Variants in SMARCAL1 observed in about 807,000 individuals in gnomAD.
SMARCAL1 encodes the protein SNF2 related chromatin remodeling annealing helicase 1, also known as ATP-driven annealing helicase.
Under a neutral mutation model 94.5 loss-of-function variants are expected in SMARCAL1, and 58 were observed. That is an observed-to-expected ratio of 0.61 (90% CI 0.50 to 0.76). SMARCAL1 has a LOEUF of 0.76. SMARCAL1 is among the 30% of genes least tolerant of loss of function. The pLI is 0.00. For synonymous variants in SMARCAL1, 422 were observed against 455.1 expected (o/e 0.93, Z 0.93); for missense variants, 1,051 against 1,177.9 (o/e 0.89, Z 1.58).
intron 10 of SMARCAL1, among the ~76,000 whole-genome samples, chr2:216,439,324 TGG>T (rs3836031): frequency 0.42 from 63,876 of 150,474 alleles, 14,075 homozygotes; most frequent in African/African-American, 0.56. Context: ...CCTTCCATTA[TGG>T]GGGGGGGGGA....
chr2:216,438,507 GC>G, intron 10 of SMARCAL1, 22 bp downstream of exon 10: 1 of 1,606,398 alleles, frequency 6.2e-7, no homozygotes, highest in Non-Finnish European at 8.5e-7. Flanking sequence ...TGAGAACTGA[GC>G]CCACTGAGCA....
intron 14 of SMARCAL1, among the ~76,000 whole-genome samples, chr2:216,471,010 G>A (rs1266355914): frequency 6.6e-6 from 1 of 152,080 alleles, no homozygotes; most frequent in East Asian, 1.9e-4. Flanking sequence ...GCCAGATGGT[G>A]GAATAGAATA....
At chr2:216,421,538 G>T (rs1693721573) in intron 5 of SMARCAL1, among the ~76,000 whole-genome samples, 1 of 151,982 alleles carries the variant, frequency 6.6e-6, no homozygotes, top group Non-Finnish European at 1.5e-5. Flanking sequence ...GCCCACCTTG[G>T]CCTCCCAAAA....
intron 12 of SMARCAL1, among the ~76,000 whole-genome samples, chr2:216,456,141 G>A (rs1209801000): frequency 2.0e-5 from 3 of 150,474 alleles, no homozygotes; most frequent in African/African-American, 7.3e-5. Context: ...AAGAAGAGAA[G>A]TTTAGAGAAA....
intron 5 of SMARCAL1, among the ~76,000 whole-genome samples, chr2:216,422,114 T>G (rs284563): frequency 0.34 from 51,157 of 151,972 alleles, 11,212 homozygotes; most frequent in African/African-American, 0.63. Context: ...GGCCGGGTGT[T>G]GTGGCCTGTA....
chr2:216,451,792 C>T lies in SMARCAL1; in HGVS notation c.2070+728C>T, dbSNP rs770190217. 1.8e-3 allele frequency among the ~76,000 whole-genome samples: 281 copies of T among 152,208 alleles called. 3 individuals are homozygous for T. The highest frequency in any genetic ancestry group is 1.5e-3 in the Non-Finnish European group (100 of 68,038). On this transcript the variant is annotated intron_variant, in intron 12 of 17. Transcript: ENST00000357276. Reference sequence around the variant, plus strand: ...CTGTGCTAAGTGCTATAATCTACACCAGCTCTGTTTCTGTCCTCTTAGATA... The same window carrying T: ...CTGTGCTAAGTGCTATAATCTACACTAGCTCTGTTTCTGTCCTCTTAGATA...
chr2:216,477,963 C>G (rs1332943249), intron 16 of SMARCAL1, among the ~76,000 whole-genome samples: 3 of 152,120 alleles, frequency 2.0e-5, no homozygotes, highest in Non-Finnish European at 4.4e-5. Flanking sequence ...GCATTTATTT[C>G]CTACACATCT....
intron 12 of SMARCAL1, among the ~76,000 whole-genome samples, chr2:216,456,801 AC>A (rs897129424): frequency 2.9e-4 from 44 of 152,334 alleles, no homozygotes; most frequent in African/African-American, 9.9e-4. Flanking sequence ...GAGCAAAATA[AC>A]CAGCTAACAT....
intron 12 of SMARCAL1, among the ~76,000 whole-genome samples, chr2:216,459,094 G>T (rs1330313564): frequency 6.6e-6 from 1 of 152,102 alleles, no homozygotes; most frequent in Non-Finnish European, 1.5e-5. Context: ...TTGCTTCAAA[G>T]AGAATAAAAT....
chr2:216,483,038 G>A lies in SMARCAL1; in HGVS notation c.*61G>A. The A allele has an allele frequency of 6.3e-7, 1 of 1,592,490 alleles. No homozygotes were observed. The highest frequency in any genetic ancestry group is 8.6e-7 in the Non-Finnish European group (1 of 1,167,600). ...AATCATGGAATTGAAATAAAATAAT[G>A]TATTTTGTTTTAAAACTTTTTGAGC... On this transcript the variant is annotated 3_prime_UTR_variant, in exon 18 of 18. Transcript: ENST00000357276.
chr2:216,440,932 C>G (rs942274578), intron 10 of SMARCAL1, among the ~76,000 whole-genome samples: 6 of 152,156 alleles, frequency 3.9e-5, no homozygotes, highest in East Asian at 1.9e-4. Flanking sequence ...AAATCACTCT[C>G]TACTCACCTT....
intron 12 of SMARCAL1, among the ~76,000 whole-genome samples, chr2:216,454,644 T>G (rs973905097): frequency 7.2e-5 from 11 of 152,226 alleles, no homozygotes; most frequent in African/African-American, 2.4e-4. Flanking sequence ...AGAACACTGC[T>G]TGGCCCGTAA....
In SMARCAL1 at chr2:216,475,224, C is replaced by G. The variant is rs756249182; in HGVS notation, c.2245-45C>G. 1.2e-5 allele frequency: 19 copies of G among 1,607,950 alleles called. No individual in the cohort carries two copies. The African/African-American group carries it at 2.4e-4, about 20-fold the overall frequency. ...GGCTGGGTGTGGTTTGCTGAGAAGC[C>G]CCCGGGGCTGTTGCCCACCTTGCTT... On this transcript the variant is annotated intron_variant, in intron 14 of 17. Coordinates refer to ENST00000357276, the MANE Select transcript of SMARCAL1 (RefSeq NM_014140.4). This position sits in a 1 kb window ranked among gnomAD's most constrained non-coding sequence, Gnocchi z 4.4.
chr2:216,472,739 C>T (rs1057117048), intron 14 of SMARCAL1, among the ~76,000 whole-genome samples: 1 of 149,476 alleles, frequency 6.7e-6, no homozygotes, highest in Admixed American at 6.7e-5. Flanking sequence ...TAAAAGATAA[C>T]GAAAACACCC....
chr2:216,459,879 A>G (rs1694657498), intron 12 of SMARCAL1, among the ~76,000 whole-genome samples: 3 of 152,186 alleles, frequency 2.0e-5, no homozygotes, highest in Non-Finnish European at 4.4e-5. Flanking sequence ...AAAAGAAACT[A>G]CCATCAGAGT....
At chr2:216,420,028 C>CAAAAAAA (rs60555710) in intron 4 of SMARCAL1, among the ~76,000 whole-genome samples, 2 of 40,178 alleles carry the variant, frequency 5.0e-5, no homozygotes, top group Admixed American at 2.9e-4. Flanking sequence ...GACCCCGTCT[C>CAAAAAAA]AAAAAAAAAA....
In SMARCAL1 at chr2:216,424,665, C is replaced by A. The variant is rs564655345; in HGVS notation, c.1147+982C>A. Among the ~76,000 whole-genome samples the A allele has an allele frequency of 5.3e-5, 8 of 150,972 alleles. 1 individual carries two copies. The highest frequency in any genetic ancestry group is 1.7e-4 in the African/African-American group (7 of 40,292). On this transcript the variant is annotated intron_variant, in intron 6 of 17. Coordinates refer to ENST00000357276, the MANE Select transcript of SMARCAL1 (RefSeq NM_014140.4). ...GGGTAAATAATTAAACATTCTGGGTCCCATTGTCCCTTTAGTAAAAAAAGC... is the reference window on the plus strand; with the variant it reads ...GGGTAAATAATTAAACATTCTGGGTACCATTGTCCCTTTAGTAAAAAAAGC...
rs200027162 is a variant in SMARCAL1 at position 216,466,633 on chromosome 2, TATAGAACAACAAAGCTGTGTATG to T, written c.2142-1309_2142-1287del. ...TCCAGCCTAGGAACTTGTAGAAGGT[TATAGAACAACAAAGCTGTGTATG>T]AGATATAGAGGGGAAAGACGCATTA... On this transcript the variant is annotated intron_variant, in intron 13 of 17. Coordinates refer to ENST00000357276, the MANE Select transcript of SMARCAL1 (RefSeq NM_014140.4). 1.2e-3 allele frequency among the ~76,000 whole-genome samples: 182 copies of T among 152,302 alleles called. 1 individual carries two copies. The highest frequency in any genetic ancestry group is 9.9e-3 in the Admixed American group (151 of 15,302).
intron 12 of SMARCAL1, among the ~76,000 whole-genome samples, chr2:216,458,848 G>C (rs1694632847): frequency 6.6e-6 from 1 of 152,286 alleles, no homozygotes; most frequent in South Asian, 2.1e-4. Flanking sequence ...TCAGGCAGGA[G>C]AAAGAAATAA....
Sources: allele counts gnomAD v4.1 joint callset (sites outside exome capture counted in the v4.1 genomes callset), GRCh38; gene constraint gnomAD v4.1.1; non-coding constraint Gnocchi (gnomAD v3.1); transcripts MANE v1.5; gene names NCBI Gene and HGNC (gene_info 2026-07-23, HGNC 2026-07-21).